PTPRK: variants seen among roughly 807,000 people sequenced by gnomAD.
PTPRK encodes the protein receptor-type tyrosine-protein phosphatase kappa.
PTPRK carries 75 observed loss-of-function variants against 178.0 expected under a neutral mutation model. The ratio of observed to expected loss-of-function variants is 0.42; its 90% confidence interval spans 0.35 to 0.51. The LOEUF is 0.51. Ranked by LOEUF, PTPRK falls within the 20% of genes least tolerant of loss-of-function variation. The pLI is 0.02. For missense variants in PTPRK, 1,441 were observed against 1,797.8 expected (o/e 0.80, Z 3.59); for synonymous variants, 637 against 620.6 (o/e 1.03, Z -0.39).
chr6:128,396,094 A>T (rs1840263659), intron 2 of PTPRK, among the ~76,000 whole-genome samples: 1 of 151,786 alleles, frequency 6.6e-6, no homozygotes, highest in African/African-American at 2.4e-5. Context: ...AAGTTCAGGG[A>T]TGCTGCTGAT....
chr6:128,108,632 T>A (rs2114318446), intron 7 of PTPRK, among the ~76,000 whole-genome samples: 1 of 152,202 alleles, frequency 6.6e-6, no homozygotes. Context: ...CTGCACAGAG[T>A]TTACATTTAA....
At chr6:128,094,366 G>C (rs1432958132) in intron 7 of PTPRK, among the ~76,000 whole-genome samples, 2 of 152,188 alleles carry the variant, frequency 1.3e-5, no homozygotes, top group Non-Finnish European at 2.9e-5. Flanking sequence ...TTAGGGCTAA[G>C]TAAGGAGGGG....
intron 1 of PTPRK, among the ~76,000 whole-genome samples, chr6:128,451,688 G>A (rs1264047050): frequency 6.6e-6 from 1 of 151,712 alleles, no homozygotes; most frequent in Non-Finnish European, 1.5e-5. Context: ...TACGTTTTAT[G>A]CTAACATGTA....
chr6:128,112,321 A>G (rs1438365750), intron 7 of PTPRK, among the ~76,000 whole-genome samples: 1 of 152,128 alleles, frequency 6.6e-6, no homozygotes, highest in African/African-American at 2.4e-5. Context: ...AACTGCATGC[A>G]TGGCTAGTAC....
chr6:128,322,639 G>T (rs1255774733), intron 2 of PTPRK, among the ~76,000 whole-genome samples: 1 of 142,274 alleles, frequency 7.0e-6, no homozygotes, highest in Admixed American at 6.9e-5. Flanking sequence ...TAAATCTCTG[G>T]TATTACTGAA....
intron 6 of PTPRK, among the ~76,000 whole-genome samples, chr6:128,196,551 T>C (rs1804894222): frequency 6.6e-6 from 1 of 152,110 alleles, no homozygotes; most frequent in East Asian, 1.9e-4. Flanking sequence ...CTGACATTCA[T>C]AGTATCAAAA....
chr6:128,017,826 A>G (rs949477335), intron 13 of PTPRK, among the ~76,000 whole-genome samples: 1 of 132,072 alleles, frequency 7.6e-6, no homozygotes, highest in Non-Finnish European at 1.6e-5. Flanking sequence ...ATATATATAT[A>G]TATATATTTG....
chr6:128,444,902 C>T (rs1562535175), intron 1 of PTPRK, among the ~76,000 whole-genome samples: 1 of 152,074 alleles, frequency 6.6e-6, no homozygotes, highest in Non-Finnish European at 1.5e-5. Context: ...TGAGTCTCAA[C>T]ACTTCATGTA....
intron 10 of PTPRK, among the ~76,000 whole-genome samples, chr6:128,080,426 T>C (rs192361489): frequency 7.2e-5 from 11 of 152,128 alleles, no homozygotes; most frequent in African/African-American, 2.6e-4. Flanking sequence ...GCAGTGAAGA[T>C]GGGTAAGTCT....
chr6:128,468,810 A>T (rs1304565805), intron 1 of PTPRK, among the ~76,000 whole-genome samples: 1 of 151,940 alleles, frequency 6.6e-6, no homozygotes, highest in Non-Finnish European at 1.5e-5. Flanking sequence ...TAACCCTTTG[A>T]CAAATTCCAA....
intron 3 of PTPRK, among the ~76,000 whole-genome samples, chr6:128,296,057 G>T (rs551396484): frequency 6.6e-6 from 1 of 152,066 alleles, no homozygotes; most frequent in Non-Finnish European, 1.5e-5. Flanking sequence ...TCTGAGTCAA[G>T]GGCAAGTCCT....
intron 3 of PTPRK, among the ~76,000 whole-genome samples, chr6:128,317,075 G>A (rs2128318847): frequency 6.6e-6 from 1 of 152,180 alleles, no homozygotes; most frequent in Middle Eastern, 3.4e-3. Context: ...GACCGTGTTA[G>A]GTAAATCCTG....
intron 2 of PTPRK, among the ~76,000 whole-genome samples, chr6:128,343,869 G>T (rs948440317): frequency 6.6e-6 from 1 of 152,182 alleles, no homozygotes; most frequent in Non-Finnish European, 1.5e-5. Context: ...AGAAACATCT[G>T]CAATTTTGTA....
chr6:128,019,927 A>G (rs1480690296), intron 13 of PTPRK, among the ~76,000 whole-genome samples: 1 of 152,162 alleles, frequency 6.6e-6, no homozygotes, highest in African/African-American at 2.4e-5. Context: ...GAACTGTATC[A>G]TCTCAAAAGC....
intron 13 of PTPRK, among the ~76,000 whole-genome samples, chr6:128,054,129 C>G (rs1050650549): frequency 1.3e-5 from 2 of 152,160 alleles, no homozygotes; most frequent in Admixed American, 6.5e-5. Flanking sequence ...AACTTTCCAG[C>G]TTTTATTTCC....
In PTPRK at chr6:127,983,268, G is replaced by A. The variant is rs746692317; in HGVS notation, c.3361C>T (p.Arg1121Trp). 7.4e-6 allele frequency: 12 copies of A among 1,612,608 alleles called. No homozygotes were observed. The highest frequency in any genetic ancestry group is 3.3e-5 in the Admixed American group (2 of 59,956). Reference protein sequence around the residue: ...IYNCVKALRSRRINMVQTEEQ... With the variant: ...IYNCVKALRSWRINMVQTEEQ... ...TCTGTCTGGACCATATTAATACGCC[G>A]AGATCTTAAGGCTTTGACACAATTG... The change falls in exon 23 of 30, where the codon CGG becomes TGG. Residue 1121 changes from arginine (R) to tryptophan (W), a missense_variant. Coordinates refer to ENST00000368226, the MANE Select transcript of PTPRK (RefSeq NM_002844.4).
intron 7 of PTPRK, among the ~76,000 whole-genome samples, chr6:128,125,727 G>A (rs1353876412): frequency 5.5e-5 from 8 of 146,068 alleles, no homozygotes; most frequent in African/African-American, 1.0e-4. Context: ...CTTCTGCCTC[G>A]GCCTCCTGAG....
chr6:128,454,335 C>T (rs1423667502), intron 1 of PTPRK, among the ~76,000 whole-genome samples: 4 of 152,148 alleles, frequency 2.6e-5, no homozygotes, highest in South Asian at 2.1e-4. Context: ...TGCTGCTAAG[C>T]AAACTTTGAT....
intron 3 of PTPRK, among the ~76,000 whole-genome samples, chr6:128,261,612 G>A (rs1818189934): frequency 6.6e-6 from 1 of 152,154 alleles, no homozygotes; most frequent in Non-Finnish European, 1.5e-5. Context: ...CAAGAAAAAT[G>A]TTCTGTATCT....
Sources: allele counts gnomAD v4.1 joint callset (sites outside exome capture counted in the v4.1 genomes callset), GRCh38; gene constraint gnomAD v4.1.1; transcripts MANE v1.5; gene names NCBI Gene and HGNC (gene_info 2026-07-23, HGNC 2026-07-21).